Variants in PXT1 observed in about 807,000 individuals in gnomAD.
PXT1 encodes the protein peroxisomal testis-specific protein 1.
A neutral mutation model predicts 11.0 loss-of-function variants in PXT1; 11 were observed. The observed-to-expected ratio is 1.00, with a 90% confidence interval of 0.63 to 1.66. PXT1 has a LOEUF of 1.66. PXT1 is among the 40% of genes most tolerant of loss of function. PXT1 has a pLI of 0.00. For missense variants in PXT1, 141 were observed against 155.5 expected (o/e 0.91, Z 0.49); for synonymous variants, 43 against 51.4 (o/e 0.84, Z 0.70).
chr6:36,422,346 T>A (rs1774534252), intron 3 of PXT1, among the ~76,000 whole-genome samples: 1 of 152,180 alleles, frequency 6.6e-6, no homozygotes, highest in Admixed American at 6.5e-5. Context: ...GCTCCCTCTG[T>A]CTGCAACCTC....
chr6:36,406,789 C>T (rs1017274374), intron 3 of PXT1, among the ~76,000 whole-genome samples: 17 of 143,872 alleles, frequency 1.2e-4, no homozygotes, highest in Admixed American at 1.0e-3. Flanking sequence ...CTAGCCTGGG[C>T]GACAGAGTGA....
rs763685304 is a variant in PXT1 at position 36,425,805 on chromosome 6, A to ACAAACAAAC, written c.169+108_169+109insGTTTGTTTG. On this transcript the variant is annotated intron_variant, in intron 3 of 4. Coordinates refer to ENST00000454782, the MANE Select transcript of PXT1 (RefSeq NM_152990.4). ...TCTGTCTCAAAAAACAAAAACAAAA[A>ACAAACAAAC]ATATATATATATATATATATATATT... 1,088 of 335,176 alleles carry ACAAACAAAC rather than the reference A, an allele frequency of 3.2e-3. 10 individuals are homozygous for ACAAACAAAC. The highest frequency in any genetic ancestry group is 1.0e-2 in the South Asian group (148 of 14,808). 20.8% of individuals were successfully genotyped at this position (335,176 alleles called of 1,614,324 possible).
chr6:36,413,137 G>A (rs1774397930), intron 3 of PXT1, among the ~76,000 whole-genome samples: 1 of 152,156 alleles, frequency 6.6e-6, no homozygotes, highest in African/African-American at 2.4e-5. Context: ...AGAAAATCCT[G>A]GCCGGACACG....
intron 3 of PXT1, among the ~76,000 whole-genome samples, chr6:36,418,322 G>A (rs1021208504): frequency 1.3e-5 from 2 of 152,192 alleles, no homozygotes; most frequent in African/African-American, 4.8e-5. Context: ...CACGGATCTA[G>A]AAAACTGGAA....
intron 3 of PXT1, among the ~76,000 whole-genome samples, chr6:36,405,697 CCACT>C (rs1222229825): frequency 2.0e-5 from 3 of 152,220 alleles, no homozygotes; most frequent in Non-Finnish European, 2.9e-5. Context: ...CATTCACTCA[CCACT>C]CACTCAGTGA....
rs141450275 is a variant in PXT1 at position 36,440,971 on chromosome 6, A to G, written c.-130+1564T>C. Among the ~76,000 whole-genome samples, 956 of 152,280 alleles carry G rather than the reference A, an allele frequency of 6.3e-3. 14 individuals carry two copies. The highest frequency in any genetic ancestry group is 0.022 in the African/African-American group (918 of 41,564). The stretch of plus-strand genomic sequence containing the variant: ...TCCAAACTTCAGGCCAGATTTTTGT[A>G]TACCACAAATCTGCAGCCAGTGCAG... On this transcript the variant is annotated intron_variant, in intron 1 of 4. Transcript: ENST00000454782.
chr6:36,441,125 A>AG (rs1262539391), intron 1 of PXT1, among the ~76,000 whole-genome samples: 3 of 151,974 alleles, frequency 2.0e-5, no homozygotes, highest in Non-Finnish European at 4.4e-5. Context: ...AAAAAAAAAA[A>AG]AAAGAAAGAC....
intron 3 of PXT1, among the ~76,000 whole-genome samples, chr6:36,408,261 C>CTTTT (rs752205780): frequency 7.3e-6 from 1 of 137,286 alleles, no homozygotes; most frequent in Non-Finnish European, 1.6e-5. Context: ...CACGCCCAGC[C>CTTTT]TTTTTTTTTT....
rs1245852308 is a variant in PXT1 at position 36,425,963 on chromosome 6, C to T, written c.120G>A (p.Met40Ile). The change falls in exon 3 of 5, where the codon ATG (methionine) becomes ATA (isoleucine). Residue 40 changes from methionine to isoleucine, a missense_variant. Transcript: ENST00000454782. ...WLKYSFQKAY[M>I]TQLVSSQPVP... ...CTGGCTGGGAGCTGACAAGTTGGGT[C>T]ATGTATGCCTTCTGAAAACTGTATT... 3 of 1,535,410 alleles carry T rather than the reference C, an allele frequency of 2.0e-6. No homozygotes were observed. Among genetic ancestry groups the T allele is most frequent in the Non-Finnish European group, 2.6e-6 (3 of 1,146,356 alleles).
At position 36,427,148 on chromosome 6, in the gene PXT1, G is replaced by C. The variant is rs565725580; in HGVS notation, c.-9-1057C>G. On this transcript the variant is annotated intron_variant, in intron 2 of 4. Coordinates refer to ENST00000454782, the MANE Select transcript of PXT1 (RefSeq NM_152990.4). ...CTCCCGAGTAGCTGGGACTACAGGTGCGTGCCACCATGCCCAGCTAATTTT... is the reference window on the plus strand; with the variant it reads ...CTCCCGAGTAGCTGGGACTACAGGTCCGTGCCACCATGCCCAGCTAATTTT... Among the ~76,000 whole-genome samples the C allele has an allele frequency of 2.4e-4, 36 of 151,766 alleles. 1 individual carries two copies. Among genetic ancestry groups the C allele is most frequent in the Admixed American group, 4.6e-4 (7 of 15,226 alleles).
In PXT1 at chr6:36,410,438, G is replaced by GA. The variant is rs1244503758; in HGVS notation, c.170-9855dup. On this transcript the variant is annotated intron_variant, in intron 3 of 4. Transcript: ENST00000454782. ...GCTCGCCAGCCAGGGCAACAAGAGT[G>GA]AAAAAAAAAAAGAAATGAAGGAAGG... Among the ~76,000 whole-genome samples, 207 of 118,792 alleles carry GA rather than the reference G, an allele frequency of 1.7e-3. 1 individual carries two copies. The highest frequency in any genetic ancestry group is 5.1e-3 in the African/African-American group (165 of 32,364). The allele number at this position is 118,792 out of a possible 152,430, so 77.9% of individuals were successfully genotyped here.
chr6:36,423,301 G>A (rs1774548427), intron 3 of PXT1, among the ~76,000 whole-genome samples: 1 of 152,268 alleles, frequency 6.6e-6, no homozygotes, highest in Non-Finnish European at 1.5e-5. Context: ...CCCCGCCAGA[G>A]AGCGCCGCCA....
chr6:36,399,287 A>C (rs567504864), intron 4 of PXT1, among the ~76,000 whole-genome samples: 2 of 152,266 alleles, frequency 1.3e-5, no homozygotes, highest in African/African-American at 4.8e-5. Flanking sequence ...CTGGGACTAC[A>C]GGTGTGTGCC....
At chr6:36,401,483 C>T (rs6923337) in intron 3 of PXT1, among the ~76,000 whole-genome samples, 38,979 of 151,806 alleles carry the variant, frequency 0.26, 5,064 homozygotes, top group East Asian at 0.39. Context: ...AGTGTGGTGG[C>T]TCACACCTGT....
intron 3 of PXT1, among the ~76,000 whole-genome samples, chr6:36,410,578 G>A (rs1774358577): frequency 6.6e-6 from 1 of 151,342 alleles, no homozygotes; most frequent in South Asian, 2.1e-4. Context: ...AAGAAAGGAA[G>A]AAATAAAAAA....
intron 2 of PXT1, among the ~76,000 whole-genome samples, chr6:36,436,443 G>T (rs539940800): frequency 2.0e-5 from 3 of 152,280 alleles, no homozygotes; most frequent in African/African-American, 7.2e-5. Context: ...TTAGAAAATG[G>T]GATGATAAGT....
chr6:36,430,402 G>A (rs1774676545), intron 2 of PXT1, among the ~76,000 whole-genome samples: 1 of 152,146 alleles, frequency 6.6e-6, no homozygotes, highest in Non-Finnish European at 1.5e-5. Flanking sequence ...TTATATTAAA[G>A]CTCTTGAGAT....
intron 3 of PXT1, among the ~76,000 whole-genome samples, chr6:36,413,147 G>A (rs189288983): frequency 1.3e-4 from 20 of 152,184 alleles, no homozygotes; most frequent in South Asian, 4.1e-4. Flanking sequence ...GGCCGGACAC[G>A]GTGGCTCACG....
intron 3 of PXT1, 85 bp downstream of exon 3, chr6:36,425,829 T>TA: frequency 8.0e-6 from 4 of 501,592 alleles, no homozygotes; most frequent in Non-Finnish European, 1.3e-5. Context: ...TATATATATA[T>TA]TTAATGTCCA....
Sources: gnomAD v4.1 joint callset for allele counts (sites outside exome capture counted in the v4.1 genomes callset) on GRCh38, gnomAD v4.1.1 for gene constraint, MANE v1.5 for transcripts, NCBI Gene and HGNC (gene_info 2026-07-23, HGNC 2026-07-21) for gene names.